NOL10: variants seen among roughly 807,000 people sequenced by gnomAD.
NOL10 encodes the protein nucleolar protein 10.
NOL10 carries 58 observed loss-of-function variants against 103.5 expected under a neutral mutation model. That is an observed-to-expected ratio of 0.56 (90% CI 0.45 to 0.70). The LOEUF is 0.70. Among genes scored for constraint, NOL10 ranks in the 30% least tolerant of loss-of-function variants. NOL10 has a pLI of 0.00. For missense variants in NOL10, 763 were observed against 807.3 expected, an observed-to-expected ratio of 0.95 and a Z score of 0.67; for synonymous variants, 287 against 282.5, an observed-to-expected ratio of 1.02 and a Z score of -0.16.
chr2:10,585,428 C>T (rs1344103690), intron 19 of NOL10, among the ~76,000 whole-genome samples: 2 of 152,224 alleles, frequency 1.3e-5, no homozygotes, highest in Non-Finnish European at 2.9e-5. Flanking sequence ...CCAGCAATTT[C>T]TTCCAATTCT....
At chr2:10,640,859 T>C (rs1678649460) in intron 13 of NOL10, among the ~76,000 whole-genome samples, 1 of 152,220 alleles carries the variant, frequency 6.6e-6, no homozygotes, top group African/African-American at 2.4e-5. Context: ...AGAATTAATA[T>C]TTCCAAGGTT....
chr2:10,647,879 T>C lies in NOL10; in HGVS notation c.974-3507A>G, dbSNP rs566596532. On this transcript the variant is annotated intron_variant, in intron 12 of 20. Transcript: ENST00000381685. Reference sequence around the variant, plus strand: ...GTGAGAATTCCGAGGTTGGGTAATTTCTACCACTATTAAGCCTGAATTGGA... The same window carrying C: ...GTGAGAATTCCGAGGTTGGGTAATTCCTACCACTATTAAGCCTGAATTGGA... 3.9e-5 allele frequency among the ~76,000 whole-genome samples: 6 copies of C among 152,368 alleles called. No individual in the cohort carries two copies. In the South Asian group the frequency reaches 1.2e-3, roughly 32 times the overall value.
At chr2:10,675,740 A>G (rs1205765376) in intron 4 of NOL10, 54 bp downstream of exon 4, 4 of 983,798 alleles carry the variant, frequency 4.1e-6, no homozygotes, top group Non-Finnish European at 6.1e-6. Context: ...AAACCAGAAA[A>G]GCAGACAACA....
chr2:10,666,616 G>C (rs904268804), intron 8 of NOL10, among the ~76,000 whole-genome samples: 1 of 151,986 alleles, frequency 6.6e-6, no homozygotes, highest in African/African-American at 2.4e-5. Flanking sequence ...GAGCCACTGC[G>C]CCTGGCCTGT....
chr2:10,652,447 G>T (rs1679535797), intron 12 of NOL10, among the ~76,000 whole-genome samples: 1 of 151,524 alleles, frequency 6.6e-6, no homozygotes, highest in African/African-American at 2.4e-5. Flanking sequence ...TGACTACACA[G>T]TTATAAAATA....
At chr2:10,681,855 CTG>C (rs921850474) in intron 3 of NOL10, 114 bp downstream of exon 3, 27 of 419,150 alleles carry the variant, frequency 6.4e-5, no homozygotes, top group Admixed American at 1.3e-4. Context: ...TTCAATATTT[CTG>C]TGTGTTTGAA....
rs143292863 is a variant in NOL10, at chr2:10,578,992, T to C, written c.1845-1254A>G. Among the ~76,000 whole-genome samples, 6 of 152,326 alleles carry C rather than the reference T, an allele frequency of 3.9e-5. No individual in the cohort carries two copies. In the East Asian group the frequency reaches 1.2e-3, roughly 29 times the overall value. On this transcript the variant is annotated intron_variant, in intron 19 of 20. Coordinates refer to ENST00000381685, the MANE Select transcript of NOL10 (RefSeq NM_024894.4). ...GACTGAAGAAAGAAAAAGGCTGAAC[T>C]GTGTGAAAGAGTCTTTTTTTCCCTG...
chr2:10,589,063 G>A lies in NOL10; in HGVS notation c.1824C>T (p.Ala608=). Residue 608 remains alanine, a synonymous_variant, in exon 19 of 21, where the codon GCC becomes GCT. Coordinates refer to ENST00000381685, the MANE Select transcript of NOL10 (RefSeq NM_024894.4). ...GEEFRSFKDS[A]TKQKLMNKTL... ...CTCACTTCATCAGTTTCTGCTTTGTGGCAGAATCTTTGAAGCTTCTAAATT... is the reference window on the plus strand; with the variant it reads ...CTCACTTCATCAGTTTCTGCTTTGTAGCAGAATCTTTGAAGCTTCTAAATT... 1 of 1,613,930 alleles carries A rather than the reference G, an allele frequency of 6.2e-7. No homozygotes were observed. Among genetic ancestry groups the A allele is most frequent in the Non-Finnish European group, 8.5e-7 (1 of 1,179,882 alleles).
At chr2:10,652,131 T>A (rs1363571355) in intron 12 of NOL10, among the ~76,000 whole-genome samples, 1 of 151,570 alleles carries the variant, frequency 6.6e-6, no homozygotes, top group African/African-American at 2.4e-5. Context: ...TCCCAGCTAC[T>A]CAGGAGGCTG....
intron 12 of NOL10, among the ~76,000 whole-genome samples, chr2:10,649,272 G>A (rs892419436): frequency 5.9e-5 from 8 of 135,546 alleles, no homozygotes; most frequent in African/African-American, 2.3e-4. Flanking sequence ...ATATAAAGAT[G>A]TTCATTCTAC....
Position 10,620,083 on chromosome 2 carries a change from G to A in NOL10, c.1027-12772C>T, listed in dbSNP as rs184056758. ...TCTTTTTGATCATGCACCTGGTAAT[G>A]AGCATCTCCCAAGATCTTGTTTTGT... On this transcript the variant is annotated intron_variant, in intron 13 of 20. Transcript: ENST00000381685. 1.2e-4 allele frequency among the ~76,000 whole-genome samples: 19 copies of A among 152,252 alleles called. No individual in the cohort carries two copies. In the East Asian group the frequency reaches 3.3e-3, roughly 26 times the overall value.
At chr2:10,583,686 CT>C in intron 19 of NOL10, among the ~76,000 whole-genome samples, 1 of 152,322 alleles carries the variant, frequency 6.6e-6, no homozygotes, top group South Asian at 2.1e-4. Flanking sequence ...GTTTGTGCTC[CT>C]TTTTCTTTCT....
At chr2:10,645,944 T>TACACATACAC (rs1679041576) in intron 12 of NOL10, among the ~76,000 whole-genome samples, 1 of 147,592 alleles carries the variant, frequency 6.8e-6, no homozygotes, top group Non-Finnish European at 1.5e-5. Flanking sequence ...CACACACACA[T>TACACATACAC]ACACACACAC....
At chr2:10,668,269 C>T (rs990184508) in intron 7 of NOL10, among the ~76,000 whole-genome samples, 1 of 152,000 alleles carries the variant, frequency 6.6e-6, no homozygotes, top group Non-Finnish European at 1.5e-5. Context: ...TAAAAGGAAA[C>T]CTTTAAAAAC....
intron 13 of NOL10, among the ~76,000 whole-genome samples, chr2:10,640,580 T>G (rs1243452127): frequency 6.6e-6 from 1 of 152,078 alleles, no homozygotes; most frequent in Non-Finnish European, 1.5e-5. Flanking sequence ...AAGCTAACAT[T>G]TGTCAAGAAG....
chr2:10,575,902 T>C (rs1223914731), intron 20 of NOL10, among the ~76,000 whole-genome samples: 1 of 152,250 alleles, frequency 6.6e-6, no homozygotes, highest in Admixed American at 6.5e-5. Context: ...GAATGTGTAT[T>C]TGGCTTACGT....
At chr2:10,665,211 A>G (rs566846610) in intron 8 of NOL10, among the ~76,000 whole-genome samples, 3 of 152,318 alleles carry the variant, frequency 2.0e-5, no homozygotes, top group South Asian at 2.1e-4. Context: ...TCTTCTCAAA[A>G]TGAGTTAATA....
At chr2:10,684,454 C>T in intron 2 of NOL10, 113 bp downstream of exon 2, 1 of 825,292 alleles carries the variant, frequency 1.2e-6, no homozygotes, top group African/African-American at 1.8e-5. Flanking sequence ...ATTCATTTTC[C>T]ACTACATGTT....
intron 14 of NOL10, among the ~76,000 whole-genome samples, chr2:10,606,907 C>T (rs1483244436): frequency 4.0e-5 from 6 of 151,632 alleles, no homozygotes; most frequent in African/African-American, 1.2e-4. Flanking sequence ...CAATTTTTTT[C>T]CTCTATAATA....
Sources: allele counts gnomAD v4.1 joint callset (sites outside exome capture counted in the v4.1 genomes callset), GRCh38; gene constraint gnomAD v4.1.1; transcripts MANE v1.5; gene names NCBI Gene and HGNC (gene_info 2026-07-23, HGNC 2026-07-21).